ADORA2B: variants seen among roughly 807,000 people sequenced by gnomAD.
The protein encoded by ADORA2B is adenosine receptor A2b.
In ADORA2B, 18 loss-of-function variants were observed where a neutral mutation model predicts 20.8. The observed-to-expected ratio is 0.87, with a 90% CI of 0.60 to 1.29. The LOEUF (loss-of-function observed/expected upper bound fraction) is 1.29. Ranked by LOEUF, ADORA2B falls within the 50% of genes most tolerant of loss-of-function variation. The pLI is 0.00. For missense variants in ADORA2B, 441 were observed against 422.7 expected, an observed-to-expected ratio of 1.04 and a Z score of -0.38; for synonymous variants, 179 against 178.3, an observed-to-expected ratio of 1.00 and a Z score of -0.03.
Position 15,975,095 on chromosome 17 carries a change from A to G in ADORA2B, c.752A>G (p.His251Arg), listed in dbSNP as rs760541097. The G allele has an allele frequency of 3.2e-5, 51 of 1,614,058 alleles. No homozygotes were observed. Among genetic ancestry groups the G allele is most frequent in the Non-Finnish European group, 4.2e-5 (50 of 1,180,036 alleles). The change falls in exon 2 of 2, where the codon CAT becomes CGT. Residue 251 changes from histidine (H) to arginine (R), a missense_variant. By Grantham distance (29) the His-to-Arg change is conservative. Transcript: ENST00000304222. ...TTTGCCCTGTGCTGGTTACCTGTGC[A>G]TGCTGTTAACTGTGTCACTCTTTTC... ...GIFALCWLPVHAVNCVTLFQP... is the reference protein window; with the variant it reads ...GIFALCWLPVRAVNCVTLFQP...
chr17:15,903,528 C>G, the ADORA2B span, among the ~76,000 whole-genome samples: 1 of 152,098 alleles, frequency 6.6e-6, no homozygotes, highest in Non-Finnish European at 1.5e-5. Context: ...AGAGACCCTC[C>G]CCCCAAGCAC....
chr17:15,952,934 C>T (rs994604235), intron 1 of ADORA2B, among the ~76,000 whole-genome samples: 33 of 152,374 alleles, frequency 2.2e-4, no homozygotes, highest in African/African-American at 7.9e-4. Flanking sequence ...CCACGGGCAG[C>T]GGGAACTCAA....
the ADORA2B span, among the ~76,000 whole-genome samples, chr17:15,927,255 A>G: frequency 7.2e-5 from 11 of 152,262 alleles, no homozygotes; most frequent in African/African-American, 2.4e-4. Context: ...AGGCCAAGGG[A>G]GGCAGATCAC....
At chr17:15,967,777 C>T (rs1224581201) in intron 1 of ADORA2B, among the ~76,000 whole-genome samples, 1 of 152,210 alleles carries the variant, frequency 6.6e-6, no homozygotes, top group Non-Finnish European at 1.5e-5. Context: ...CTTCAGGAAC[C>T]TCCATGTGTT....
upstream of ADORA2B, chr17:15,945,012 G>A: frequency 3.3e-6 from 1 of 300,124 alleles, no homozygotes; most frequent in Non-Finnish European, 6.1e-6. Flanking sequence ...TCGGGCGAGT[G>A]GGTGGTGCTC....
chr17:15,937,585 T>C, the ADORA2B span, among the ~76,000 whole-genome samples: 4 of 152,208 alleles, frequency 2.6e-5, no homozygotes, highest in South Asian at 6.2e-4. Context: ...CTTTTCTTTT[T>C]TTTTTTAATG....
At chr17:15,901,117 C>T in the ADORA2B span, among the ~76,000 whole-genome samples, 7 of 152,010 alleles carry the variant, frequency 4.6e-5, no homozygotes, top group Non-Finnish European at 8.8e-5. Context: ...CAAAGCGATT[C>T]CTGAGGCGTG....
At chr17:15,853,401 T>A in the ADORA2B span, among the ~76,000 whole-genome samples, 18 of 152,392 alleles carry the variant, frequency 1.2e-4, no homozygotes, top group Non-Finnish European at 2.2e-4. Flanking sequence ...TAAAAGATTA[T>A]TAAAATTGAT....
chr17:15,917,680 G>A, the ADORA2B span, among the ~76,000 whole-genome samples: 1 of 152,236 alleles, frequency 6.6e-6, no homozygotes, highest in African/African-American at 2.4e-5. Context: ...CTGCGGCTCC[G>A]CGCCGGTGAC....
In ADORA2B at chr17:15,967,082, GAGA is replaced by G; in HGVS notation, c.336-7596_336-7594del. 2.0e-5 allele frequency among the ~76,000 whole-genome samples: 3 copies of G among 152,324 alleles called. 1 individual carries two copies. The South Asian group carries it at 6.2e-4, about 32-fold the overall frequency. On this transcript the variant is annotated intron_variant, in intron 1 of 1. Transcript: ENST00000304222. The stretch of plus-strand genomic sequence containing the variant: ...GCAGCAAGGGGTGGGGCCGAGGAGG[GAGA>G]CTGGCCTGGGGAGAGGACAGAGGCC...
chr17:15,961,829 T>C (rs1307444878), intron 1 of ADORA2B, among the ~76,000 whole-genome samples: 1 of 152,144 alleles, frequency 6.6e-6, no homozygotes, highest in Non-Finnish European at 1.5e-5. Flanking sequence ...GACCCACTCT[T>C]AAGATAAAAA....
At chr17:15,939,580 C>T in the ADORA2B span, among the ~76,000 whole-genome samples, 1 of 152,248 alleles carries the variant, frequency 6.6e-6, no homozygotes, top group African/African-American at 2.4e-5. Flanking sequence ...AGTTACATGG[C>T]CAGGTGTGCT....
At chr17:15,898,820 TA>T in the ADORA2B span, among the ~76,000 whole-genome samples, 3 of 152,336 alleles carry the variant, frequency 2.0e-5, no homozygotes, top group African/African-American at 4.8e-5. Flanking sequence ...ACATGATAAG[TA>T]ATCTTAAAGT....
At chr17:15,942,202 G>A (rs1969751321), upstream of ADORA2B, among the ~76,000 whole-genome samples, 1 of 152,174 alleles carries the variant, frequency 6.6e-6, no homozygotes, top group South Asian at 2.1e-4. Flanking sequence ...AGTGGAAGCA[G>A]TGGAGCAGTT....
chr17:15,920,900 A>G, the ADORA2B span, among the ~76,000 whole-genome samples: 1 of 152,182 alleles, frequency 6.6e-6, no homozygotes, highest in Admixed American at 6.5e-5. Context: ...CAGATTGCAC[A>G]ACTGTAGGCA....
chr17:15,964,481 C>T lies in ADORA2B; in HGVS notation c.336-10198C>T, dbSNP rs961508801. Among the ~76,000 whole-genome samples, 6 of 151,122 alleles carry T rather than the reference C, an allele frequency of 4.0e-5. No homozygotes were observed. The South Asian group carries it at 6.3e-4, about 16-fold the overall frequency. On this transcript the variant is annotated intron_variant, in intron 1 of 1. Coordinates refer to ENST00000304222, the MANE Select transcript of ADORA2B (RefSeq NM_000676.4). Reference sequence around the variant, plus strand: ...AAAATTAACCAGGTGTGGTGGCAGGCGCCTGTAATCCCAGCTACTCAGGAG... The same window carrying T: ...AAAATTAACCAGGTGTGGTGGCAGGTGCCTGTAATCCCAGCTACTCAGGAG...
At chr17:15,925,759 G>A in the ADORA2B span, among the ~76,000 whole-genome samples, 1 of 152,146 alleles carries the variant, frequency 6.6e-6, no homozygotes, top group African/African-American at 2.4e-5. Flanking sequence ...CACGAGGTCA[G>A]GAGTTCAAGG....
intron 1 of ADORA2B, among the ~76,000 whole-genome samples, chr17:15,947,322 G>C (rs1969819510): frequency 6.6e-6 from 1 of 152,226 alleles, no homozygotes; most frequent in Non-Finnish European, 1.5e-5. Flanking sequence ...GACTTGCCCT[G>C]GCAGAGACCA....
At chr17:15,944,204 T>A (rs1475683634), upstream of ADORA2B, among the ~76,000 whole-genome samples, 1 of 151,942 alleles carries the variant, frequency 6.6e-6, no homozygotes, top group Non-Finnish European at 1.5e-5. This position sits in a 1 kb window ranked among gnomAD's most constrained non-coding sequence, Gnocchi z 4.8. Context: ...AGCACAGGTT[T>A]GGGGAGAATT....
Sources: gnomAD v4.1 joint callset for allele counts (sites outside exome capture counted in the v4.1 genomes callset) on GRCh38, gnomAD v4.1.1 for gene constraint, Gnocchi (gnomAD v3.1) non-coding constraint, MANE v1.5 for transcripts, NCBI Gene and HGNC (gene_info 2026-07-23, HGNC 2026-07-21) for gene names.